PRKD1: variants seen among roughly 807,000 people sequenced by gnomAD.
The protein encoded by PRKD1 is protein kinase D1.
In PRKD1, 63 loss-of-function variants were observed where a neutral mutation model predicts 95.9. That is an observed-to-expected ratio of 0.66 (90% CI 0.54 to 0.81). The LOEUF (loss-of-function observed/expected upper bound fraction) is 0.81, where lower values mean the gene tolerates loss of function less well. Ranked by LOEUF, PRKD1 falls within the 30% of genes least tolerant of loss-of-function variation. The probability of loss-of-function intolerance (pLI) is 0.00; values close to 1 mark genes in which losing one functional copy is unlikely to be tolerated. For synonymous variants in PRKD1, 425 were observed against 423.1 expected (o/e 1.00, Z -0.05); for missense variants, 1,048 against 1,165.3 (o/e 0.90, Z 1.47).
At chr14:29,752,123 T>C (rs188797583) in intron 1 of PRKD1, among the ~76,000 whole-genome samples, 24 of 152,248 alleles carry the variant, frequency 1.6e-4, no homozygotes, top group Middle Eastern at 3.4e-3. Flanking sequence ...TACCTACAGA[T>C]ACAAGATGTT....
rs147308040 is a variant in PRKD1 at position 29,676,177 on chromosome 14, G to GTTT, written c.404-9972_404-9970dup. 2.8e-4 allele frequency among the ~76,000 whole-genome samples: 29 copies of GTTT among 104,742 alleles called. 1 individual carries two copies. The highest frequency in any genetic ancestry group is 7.1e-4 in the South Asian group (2 of 2,836). The allele number at this position is 104,742 out of a possible 152,430, so 68.7% of individuals were successfully genotyped here. On this transcript the variant is annotated intron_variant, in intron 2 of 17. Coordinates refer to ENST00000331968, the MANE Select transcript of PRKD1 (RefSeq NM_002742.3). ...GCTGTAGGCATGCATAGTTCATTAC[G>GTTT]TTTTTGTTTTTTTTTTTTTTTTTTT...
chr14:29,728,084 G>A (rs899712350), intron 1 of PRKD1, among the ~76,000 whole-genome samples: 14 of 151,848 alleles, frequency 9.2e-5, no homozygotes, highest in South Asian at 2.1e-4. Context: ...TGGGTGCAGC[G>A]CACCAGCATG....
At chr14:29,926,469 T>C (rs1430714147) in intron 1 of PRKD1, among the ~76,000 whole-genome samples, 5 of 152,092 alleles carry the variant, frequency 3.3e-5, no homozygotes, top group Middle Eastern at 3.2e-3. Context: ...GGGCTGAGTC[T>C]CCTCTGGGGG....
rs970589745 is a variant in PRKD1 at position 29,898,087 on chromosome 14, G to A, written c.264+29162C>T. ...AGAAATTTTTTGAATTTAGAAGTTT[G>A]AACTTGGAAGTTTTGAATTTAGAAG... On this transcript the variant is annotated intron_variant, in intron 1 of 17. Transcript: ENST00000331968. Among the ~76,000 whole-genome samples, 58 of 152,178 alleles carry A rather than the reference G, an allele frequency of 3.8e-4. 1 individual carries two copies. Among genetic ancestry groups the A allele is most frequent in the African/African-American group, 1.3e-3 (56 of 41,568 alleles).
intron 1 of PRKD1, among the ~76,000 whole-genome samples, chr14:29,897,948 A>G (rs545882624): frequency 1.3e-5 from 2 of 152,086 alleles, no homozygotes; most frequent in Non-Finnish European, 2.9e-5. Flanking sequence ...ACAGCTATCT[A>G]TGTTTCTTAA....
chr14:29,861,184 C>T (rs1892697675), intron 1 of PRKD1, among the ~76,000 whole-genome samples: 1 of 151,982 alleles, frequency 6.6e-6, no homozygotes. Flanking sequence ...TAACTTATAG[C>T]AAATGACAGC....
At chr14:29,743,432 G>A (rs1349543119) in intron 1 of PRKD1, among the ~76,000 whole-genome samples, 1 of 152,094 alleles carries the variant, frequency 6.6e-6, no homozygotes, top group Non-Finnish European at 1.5e-5. Context: ...GAGAAAGAGA[G>A]AGAAAGCTAG....
chr14:29,737,377 AC>A (rs1200232740), intron 1 of PRKD1, among the ~76,000 whole-genome samples: 1 of 143,310 alleles, frequency 7.0e-6, no homozygotes, highest in African/African-American at 2.6e-5. Context: ...CTGCCAGTTT[AC>A]TTTTGCTAAA....
At chr14:29,637,232 C>T (rs1443110155) in intron 6 of PRKD1, among the ~76,000 whole-genome samples, 1 of 152,160 alleles carries the variant, frequency 6.6e-6, no homozygotes, top group Non-Finnish European at 1.5e-5. Context: ...GCCACTGATT[C>T]TTACTATTGG....
intron 1 of PRKD1, among the ~76,000 whole-genome samples, chr14:29,794,853 T>C (rs1350330802): frequency 1.3e-5 from 2 of 152,106 alleles, no homozygotes; most frequent in Non-Finnish European, 2.9e-5. Flanking sequence ...ACCCTCCCAA[T>C]ATTGATAAAT....
At chr14:29,775,113 A>G (rs950463136) in intron 1 of PRKD1, among the ~76,000 whole-genome samples, 4 of 150,408 alleles carry the variant, frequency 2.7e-5, no homozygotes, top group Non-Finnish European at 5.9e-5. Context: ...CTGATTTATG[A>G]AAAAAAAAAT....
intron 1 of PRKD1, among the ~76,000 whole-genome samples, chr14:29,923,559 C>A (rs1486147046): frequency 6.6e-6 from 1 of 152,106 alleles, no homozygotes; most frequent in African/African-American, 2.4e-5. Flanking sequence ...AGTAATGCTA[C>A]TTTCAAACCA....
chr14:29,826,734 C>T (rs186628075), intron 1 of PRKD1, among the ~76,000 whole-genome samples: 22 of 62,350 alleles, frequency 3.5e-4, no homozygotes, highest in African/African-American at 1.3e-3. Context: ...TATATATACA[C>T]ATATATATAC....
intron 13 of PRKD1, among the ~76,000 whole-genome samples, chr14:29,608,205 C>T (rs1011289702): frequency 1.3e-5 from 2 of 151,916 alleles, no homozygotes; most frequent in African/African-American, 4.8e-5. Flanking sequence ...AAGACAGTAT[C>T]TTTATTTGTG....
chr14:29,616,125 G>A (rs935818484), intron 13 of PRKD1, among the ~76,000 whole-genome samples: 4 of 149,804 alleles, frequency 2.7e-5, no homozygotes, highest in South Asian at 2.1e-4. Context: ...GGAGGGAAAC[G>A]TTTAGGAAGA....
At chr14:29,592,707 C>CA (rs973053679) in intron 16 of PRKD1, 1 of 152,020 alleles carries the variant, frequency 6.6e-6, no homozygotes, top group African/African-American at 2.4e-5. Flanking sequence ...TACAATAACC[C>CA]AGTAAGGTAG....
At chr14:29,755,066 C>T (rs1192253831) in intron 1 of PRKD1, among the ~76,000 whole-genome samples, 1 of 151,960 alleles carries the variant, frequency 6.6e-6, no homozygotes, top group Non-Finnish European at 1.5e-5. Context: ...GTTAAAATTT[C>T]TAGTTGATTT....
chr14:29,821,046 T>C (rs960309602), intron 1 of PRKD1, among the ~76,000 whole-genome samples: 6 of 152,202 alleles, frequency 3.9e-5, no homozygotes, highest in African/African-American at 1.4e-4. Context: ...TTGAACACAC[T>C]GAGTTTGAAA....
intron 1 of PRKD1, among the ~76,000 whole-genome samples, chr14:29,869,057 AG>A (rs1475331765): frequency 1.3e-5 from 2 of 152,228 alleles, no homozygotes; most frequent in African/African-American, 4.8e-5. Flanking sequence ...CCTAAATTCT[AG>A]AATCCTACAC....
Sources: allele counts gnomAD v4.1 joint callset (sites outside exome capture counted in the v4.1 genomes callset), GRCh38; gene constraint gnomAD v4.1.1; transcripts MANE v1.5; gene names NCBI Gene and HGNC (gene_info 2026-07-23, HGNC 2026-07-21).